Variants in DLG2 observed in about 807,000 individuals in gnomAD.
The protein encoded by DLG2 is disks large homolog 2.
A neutral mutation model predicts 132.5 loss-of-function variants in DLG2; 45 were observed. The observed-to-expected ratio is 0.34, with a 90% confidence interval of 0.27 to 0.44. The LOEUF (loss-of-function observed/expected upper bound fraction) is 0.44, where lower values mean the gene tolerates loss of function less well. DLG2 is among the 20% of genes least tolerant of loss of function. The pLI is 1.00. For missense variants in DLG2, 1,045 were observed against 1,196.9 expected, an observed-to-expected ratio of 0.87 and a Z score of 1.87; for synonymous variants, 424 against 419.6, an observed-to-expected ratio of 1.01 and a Z score of -0.13.
At chr11:83,576,752 T>C (rs180694426) in intron 19 of DLG2, among the ~76,000 whole-genome samples, 79 of 152,310 alleles carry the variant, frequency 5.2e-4, no homozygotes, top group African/African-American at 1.9e-3. Context: ...AATTCCTTAG[T>C]AGCAGATGTG....
At chr11:83,764,471 A>G in intron 18 of DLG2, among the ~76,000 whole-genome samples, 1 of 152,244 alleles carries the variant, frequency 6.6e-6, no homozygotes, top group East Asian at 1.9e-4. Context: ...TGTGCAGGGA[A>G]GGGAGAAGGC....
At chr11:85,394,825 T>C (rs1375658058) in intron 3 of DLG2, among the ~76,000 whole-genome samples, 1 of 152,176 alleles carries the variant, frequency 6.6e-6, no homozygotes, top group Non-Finnish European at 1.5e-5. Flanking sequence ...TCCTAATTCC[T>C]ACTTCATTTA....
chr11:84,407,551 T>C (rs888486254), intron 7 of DLG2, among the ~76,000 whole-genome samples: 2 of 152,220 alleles, frequency 1.3e-5, no homozygotes, highest in African/African-American at 4.8e-5. Context: ...TGTTTCTTTC[T>C]ATTTTTAGTT....
intron 3 of DLG2, among the ~76,000 whole-genome samples, chr11:85,420,035 C>G (rs1404886398): frequency 1.3e-5 from 2 of 152,194 alleles, no homozygotes; most frequent in Non-Finnish European, 2.9e-5. Context: ...GAATTTTCAG[C>G]TTTTTTGTGC....
At chr11:85,123,322 A>G (rs1594555463) in intron 5 of DLG2, among the ~76,000 whole-genome samples, 2 of 152,000 alleles carry the variant, frequency 1.3e-5, no homozygotes, top group African/African-American at 4.8e-5. Context: ...TGGTGTGGAA[A>G]ATGTATAGGA....
At chr11:83,598,782 T>C (rs535767124) in intron 19 of DLG2, among the ~76,000 whole-genome samples, 1 of 152,304 alleles carries the variant, frequency 6.6e-6, no homozygotes, top group South Asian at 2.1e-4. Flanking sequence ...GCAAACAGAG[T>C]ATACTGAACA....
At chr11:83,995,472 CCATTTTCCT>C (rs2093972905) in intron 11 of DLG2, among the ~76,000 whole-genome samples, 1 of 152,064 alleles carries the variant, frequency 6.6e-6, no homozygotes, top group African/African-American at 2.4e-5. Context: ...TGGTCTCCCT[CCATTTTCCT>C]TGTTAATACT....
intron 21 of DLG2, among the ~76,000 whole-genome samples, chr11:83,504,415 C>T (rs759900813): frequency 6.6e-6 from 1 of 152,186 alleles, no homozygotes; most frequent in Non-Finnish European, 1.5e-5. Context: ...TCCTGTATTC[C>T]ATGCATACTC....
intron 7 of DLG2, among the ~76,000 whole-genome samples, chr11:84,301,686 C>T (rs1207384276): frequency 4.1e-5 from 5 of 122,780 alleles, no homozygotes; most frequent in Non-Finnish European, 6.7e-5. Flanking sequence ...AGTCAAGAAA[C>T]GACAGATGCT....
intron 4 of DLG2, among the ~76,000 whole-genome samples, chr11:85,167,062 A>C (rs79055079): frequency 0.017 from 2,636 of 152,204 alleles, 34 homozygotes; most frequent in Middle Eastern, 0.034. Flanking sequence ...TTTGGAAATG[A>C]ATGTCAGTAC....
chr11:85,592,164 C>G (rs916812639), intron 3 of DLG2, among the ~76,000 whole-genome samples: 29 of 152,180 alleles, frequency 1.9e-4, no homozygotes, highest in African/African-American at 7.0e-4. Context: ...TGACCTTAAG[C>G]TCCTTAAGTG....
At chr11:85,365,902 G>A (rs755220857) in intron 3 of DLG2, among the ~76,000 whole-genome samples, 1 of 152,090 alleles carries the variant, frequency 6.6e-6, no homozygotes, top group African/African-American at 2.4e-5. Context: ...GTGGACACAG[G>A]GAGGAAAATA....
chr11:85,485,181 G>A (rs1267222853), intron 3 of DLG2, among the ~76,000 whole-genome samples: 17 of 150,464 alleles, frequency 1.1e-4, no homozygotes, highest in African/African-American at 1.5e-4. Flanking sequence ...GAAGGGGAAT[G>A]TCACACTCTG....
At chr11:83,503,234 G>A (rs2094521714) in intron 21 of DLG2, among the ~76,000 whole-genome samples, 1 of 150,828 alleles carries the variant, frequency 6.6e-6, no homozygotes, top group Non-Finnish European at 1.5e-5. Flanking sequence ...GTAGAATAGG[G>A]AGCAAGATAG....
At chr11:85,406,253 G>C (rs1287990562) in intron 3 of DLG2, among the ~76,000 whole-genome samples, 1 of 150,426 alleles carries the variant, frequency 6.6e-6, no homozygotes, top group African/African-American at 2.4e-5. Flanking sequence ...AATTCTCTCT[G>C]ACAGAGACAG....
intron 11 of DLG2, among the ~76,000 whole-genome samples, chr11:83,998,796 T>G (rs1234572535): frequency 2.0e-5 from 3 of 152,138 alleles, no homozygotes; most frequent in African/African-American, 7.2e-5. Context: ...ACAGTCTGTG[T>G]ACTGCCCTGG....
intron 4 of DLG2, among the ~76,000 whole-genome samples, chr11:85,200,261 G>C (rs2081366962): frequency 1.3e-5 from 2 of 152,160 alleles, no homozygotes; most frequent in Non-Finnish European, 2.9e-5. Flanking sequence ...CTTTTAGCCT[G>C]CTACCAAAAC....
chr11:85,145,061 C>A (rs925730502), intron 5 of DLG2, among the ~76,000 whole-genome samples: 1 of 152,034 alleles, frequency 6.6e-6, no homozygotes, highest in African/African-American at 2.4e-5. Context: ...ATTTTTCCTT[C>A]ATGTTTGAAG....
intron 11 of DLG2, among the ~76,000 whole-genome samples, chr11:84,036,727 A>G (rs970547934): frequency 6.6e-6 from 1 of 152,170 alleles, no homozygotes; most frequent in Non-Finnish European, 1.5e-5. Context: ...GTGAATTACA[A>G]TAACAAGGAA....
Sources: allele counts gnomAD v4.1 joint callset (sites outside exome capture counted in the v4.1 genomes callset), GRCh38; gene constraint gnomAD v4.1.1; transcripts MANE v1.5; gene names NCBI Gene and HGNC (gene_info 2026-07-23, HGNC 2026-07-21).